Variants in LRBA observed in about 807,000 individuals in gnomAD.
The protein encoded by LRBA is lipopolysaccharide-responsive and beige-like anchor protein.
Under a neutral mutation model 330.0 loss-of-function variants are expected in LRBA, and 176 were observed. The observed-to-expected ratio is 0.53, with a 90% confidence interval of 0.47 to 0.60. LRBA has a LOEUF of 0.60. Among genes scored for constraint, LRBA ranks in the 20% least tolerant of loss-of-function variants. The probability of loss-of-function intolerance (pLI) is 0.00; values close to 1 mark genes in which losing one functional copy is unlikely to be tolerated. For synonymous variants in LRBA, 1,230 were observed against 1,193.0 expected (o/e 1.03, Z -0.64); for missense variants, 3,259 against 3,444.8 (o/e 0.95, Z 1.35).
intron 40 of LRBA, among the ~76,000 whole-genome samples, chr4:150,545,287 A>C (rs1379569680): frequency 6.6e-6 from 1 of 152,232 alleles, no homozygotes; most frequent in Non-Finnish European, 1.5e-5. Context: ...TAAATACAAA[A>C]GTTTAACCTC....
At chr4:150,632,447 T>C (rs1777482365) in intron 37 of LRBA, among the ~76,000 whole-genome samples, 1 of 152,144 alleles carries the variant, frequency 6.6e-6, no homozygotes, top group Admixed American at 6.5e-5. Flanking sequence ...AGAGTAGGTA[T>C]TCAATAAAAA....
chr4:150,558,268 A>G (rs1767592478), intron 40 of LRBA, among the ~76,000 whole-genome samples: 1 of 152,012 alleles, frequency 6.6e-6, no homozygotes, highest in South Asian at 2.1e-4. Flanking sequence ...GTAATGGTCC[A>G]TTTCTTTTGG....
At chr4:150,392,890 C>T (rs1045905678) in intron 47 of LRBA, among the ~76,000 whole-genome samples, 1 of 151,788 alleles carries the variant, frequency 6.6e-6, no homozygotes, top group Non-Finnish European at 1.5e-5. Context: ...AGGACAAATA[C>T]CTAATGCATG....
chr4:150,447,726 T>A (rs550282399), intron 44 of LRBA, among the ~76,000 whole-genome samples: 3 of 152,318 alleles, frequency 2.0e-5, no homozygotes, highest in African/African-American at 7.2e-5. Flanking sequence ...AATTAATTCA[T>A]AAGGTAAATA....
chr4:150,610,615 A>C (rs1775157447), intron 37 of LRBA, among the ~76,000 whole-genome samples: 1 of 151,980 alleles, frequency 6.6e-6, no homozygotes, highest in Non-Finnish European at 1.5e-5. Flanking sequence ...CAAACAAACA[A>C]ACAAAAAACA....
At chr4:150,665,670 C>T (rs774658990) in intron 37 of LRBA, among the ~76,000 whole-genome samples, 13 of 152,178 alleles carry the variant, frequency 8.5e-5, no homozygotes, top group Non-Finnish European at 1.9e-4. Context: ...TTGAGTCTGG[C>T]TTCTTTCACT....
rs1354973339 is a variant in LRBA, at chr4:150,582,911, G to A, written c.6330+5137C>T. 5.4e-5 allele frequency: 66 copies of A among 1,230,436 alleles called. 1 individual carries two copies. The highest frequency in any genetic ancestry group is 7.0e-5 in the Non-Finnish European group (62 of 887,754). The allele number at this position is 1,230,436 out of a possible 1,614,324, so 76.2% of individuals were successfully genotyped here. On this transcript the variant is annotated intron_variant, in intron 40 of 56. Transcript: ENST00000651943. ...AGGTGGAAAACGAGAGTGAAAGTAG[G>A]GCTTAACGGGGAGCGCACCGCCTCT...
intron 2 of LRBA, among the ~76,000 whole-genome samples, chr4:150,994,833 T>G (rs1451574117): frequency 1.3e-5 from 2 of 152,126 alleles, no homozygotes; most frequent in Non-Finnish European, 2.9e-5. Flanking sequence ...AAAACAAAAA[T>G]AGTATTTTTC....
intron 34 of LRBA, among the ~76,000 whole-genome samples, chr4:150,769,309 AAGAGAGAGAGAC>A (rs1560791723): frequency 6.6e-6 from 1 of 151,966 alleles, no homozygotes; most frequent in Non-Finnish European, 1.5e-5. Flanking sequence ...AACGAATGGG[AAGAGAGAGAGAC>A]AGAGAGAGAC....
chr4:150,329,043 C>T (rs1733661306), intron 48 of LRBA, among the ~76,000 whole-genome samples: 1 of 152,134 alleles, frequency 6.6e-6, no homozygotes, highest in Non-Finnish European at 1.5e-5. Flanking sequence ...ACAAGTGGCA[C>T]ATTACTGAAA....
chr4:150,281,774 C>T (rs1484659361), intron 55 of LRBA, among the ~76,000 whole-genome samples: 1 of 152,122 alleles, frequency 6.6e-6, no homozygotes, highest in Non-Finnish European at 1.5e-5. Flanking sequence ...AACAAAGGAC[C>T]TTGAGAAACT....
At chr4:150,934,383 C>T (rs2149516942) in intron 2 of LRBA, among the ~76,000 whole-genome samples, 1 of 152,138 alleles carries the variant, frequency 6.6e-6, no homozygotes, top group Admixed American at 6.5e-5. Context: ...AACACATCTG[C>T]AGAAAACAAT....
chr4:150,759,427 C>G (rs1734763611), intron 35 of LRBA, among the ~76,000 whole-genome samples: 1 of 152,222 alleles, frequency 6.6e-6, no homozygotes, highest in Admixed American at 6.5e-5. Context: ...CACAGAAGCT[C>G]TCACTTGTAC....
rs1758632834 is a variant in LRBA at position 150,489,653 on chromosome 4, A to AT, written c.6448+1264_6448+1265insA. Among the ~76,000 whole-genome samples the AT allele has an allele frequency of 1.6e-5, 2 of 121,662 alleles. 1 individual carries two copies. The highest frequency in any genetic ancestry group is 4.5e-4 in the East Asian group (2 of 4,482). 79.8% of individuals were successfully genotyped at this position (121,662 alleles called of 152,430 possible). On this transcript the variant is annotated intron_variant, in intron 41 of 56. Coordinates refer to ENST00000651943, the MANE Select transcript of LRBA (RefSeq NM_001364905.1). ...TAATATATAAGAATATATAATATAT[A>AT]ATATTATATATAAGAATATATATTA...
chr4:150,526,884 T>G (rs1216184140), intron 40 of LRBA, among the ~76,000 whole-genome samples: 1 of 152,086 alleles, frequency 6.6e-6, no homozygotes, highest in East Asian at 1.9e-4. Context: ...CCTGATTGTC[T>G]CAAAAACATA....
rs1429045329 is a variant in LRBA, at chr4:150,914,219, A to G, written c.1137T>C (p.Ile379=). The change falls in exon 9 of 57, where the codon ATT becomes ATC. Residue 379 remains isoleucine (I), a synonymous_variant. Transcript: ENST00000651943. ...EALNAAQIFA[I]YQLGLGYKGT... is the part of the protein sequence containing the mutation. ...CCTTGTATCCCAGGCCCAACTGATA[A>G]ATAGCAAATATCTGAGCTGCATTTA... is the stretch of plus-strand genomic sequence containing the variant. 3 of 1,609,112 alleles carry G rather than the reference A, an allele frequency of 1.9e-6. No individual in the cohort carries two copies. Among genetic ancestry groups the G allele is most frequent in the East Asian group, 2.2e-5 (1 of 44,832 alleles).
intron 2 of LRBA, among the ~76,000 whole-genome samples, chr4:150,989,430 T>C (rs1223382279): frequency 6.6e-6 from 1 of 151,272 alleles, no homozygotes; most frequent in African/African-American, 2.4e-5. Context: ...CTGGCCAATA[T>C]GGTGAAACCT....
intron 35 of LRBA, among the ~76,000 whole-genome samples, chr4:150,750,709 AG>A (rs1433687971): frequency 6.6e-6 from 1 of 152,132 alleles, no homozygotes; most frequent in Admixed American, 6.5e-5. Context: ...CTGGGATTAC[AG>A]GAGTGAACTA....
intron 37 of LRBA, among the ~76,000 whole-genome samples, chr4:150,658,928 G>A (rs865984808): frequency 2.6e-4 from 11 of 42,286 alleles, no homozygotes; most frequent in African/African-American, 4.5e-4. Context: ...TGTGTTGGCC[G>A]GGCCGGTCTC....
Sources: allele counts gnomAD v4.1 joint callset (sites outside exome capture counted in the v4.1 genomes callset), GRCh38; gene constraint gnomAD v4.1.1; transcripts MANE v1.5; gene names NCBI Gene and HGNC (gene_info 2026-07-23, HGNC 2026-07-21).